The following MCTP1 variants were observed in gnomAD, a reference collection of about 807,000 sequenced individuals.
MCTP1 encodes the protein multiple C2 and transmembrane domain-containing protein 1.
In MCTP1, 69 loss-of-function variants were observed where a neutral mutation model predicts 120.6. The observed-to-expected ratio is 0.57, with a 90% CI of 0.47 to 0.70. The LOEUF (loss-of-function observed/expected upper bound fraction) is 0.70, where lower values mean the gene tolerates loss of function less well. Among genes scored for constraint, MCTP1 ranks in the 30% least tolerant of loss-of-function variants. The pLI is 0.00. For synonymous variants in MCTP1, 529 were observed against 493.1 expected, an observed-to-expected ratio of 1.07 and a Z score of -0.96; for missense variants, 1,203 against 1,248.8, an observed-to-expected ratio of 0.96 and a Z score of 0.55.
At chr5:95,153,681 A>T (rs1170579106) in intron 1 of MCTP1, among the ~76,000 whole-genome samples, 1 of 152,224 alleles carries the variant, frequency 6.6e-6, no homozygotes, top group Admixed American at 6.5e-5. Flanking sequence ...CAAAGCTTAA[A>T]AGCAGTGAAA....
At chr5:95,027,217 C>T (rs972170041) in intron 1 of MCTP1, among the ~76,000 whole-genome samples, 11 of 152,144 alleles carry the variant, frequency 7.2e-5, no homozygotes, top group African/African-American at 1.7e-4. Flanking sequence ...CACCCCACTA[C>T]GTATGTCAGC....
chr5:94,719,880 A>G (rs1190058131), intron 19 of MCTP1, among the ~76,000 whole-genome samples: 1 of 152,164 alleles, frequency 6.6e-6, no homozygotes, highest in Non-Finnish European at 1.5e-5. Flanking sequence ...CTGTAATCCC[A>G]GCACTTTGGG....
intron 7 of MCTP1, among the ~76,000 whole-genome samples, chr5:94,920,647 T>C (rs1035804017): frequency 4.6e-5 from 7 of 151,322 alleles, no homozygotes; most frequent in Admixed American, 2.0e-4. Flanking sequence ...GAGGCTGAGG[T>C]AGGAGAATGG....
chr5:95,166,387 T>G (rs188571078), intron 1 of MCTP1, among the ~76,000 whole-genome samples: 6 of 152,292 alleles, frequency 3.9e-5, no homozygotes, highest in Admixed American at 3.3e-4. Flanking sequence ...TGCAGGTAAG[T>G]GTATGTTTCA....
intron 17 of MCTP1, among the ~76,000 whole-genome samples, chr5:94,831,083 C>G (rs1359976091): frequency 6.6e-6 from 1 of 152,158 alleles, no homozygotes; most frequent in African/African-American, 2.4e-5. Flanking sequence ...AGACATGATG[C>G]TATAGACGTC....
chr5:94,886,133 A>G (rs1026053093), intron 12 of MCTP1, among the ~76,000 whole-genome samples: 2 of 152,236 alleles, frequency 1.3e-5, no homozygotes, highest in African/African-American at 4.8e-5. Context: ...GAACAAGGCT[A>G]TAGGCTTTTT....
chr5:94,797,811 G>A (rs1014723977), intron 18 of MCTP1, among the ~76,000 whole-genome samples: 4 of 151,990 alleles, frequency 2.6e-5, no homozygotes, highest in African/African-American at 9.7e-5. Context: ...GAAATATGGT[G>A]CATTGTTGGC....
chr5:94,874,860 G>A (rs1026328963), intron 12 of MCTP1, among the ~76,000 whole-genome samples: 1 of 152,118 alleles, frequency 6.6e-6, no homozygotes, highest in African/African-American at 2.4e-5. Flanking sequence ...TCCAAATAGA[G>A]TTAAATGTAA....
At chr5:94,938,463 C>T (rs1178982875) in intron 5 of MCTP1, among the ~76,000 whole-genome samples, 1 of 152,154 alleles carries the variant, frequency 6.6e-6, no homozygotes, top group Non-Finnish European at 1.5e-5. Context: ...AACACCTCCT[C>T]TCTTTCTTGT....
chr5:95,009,901 T>A (rs889898584), intron 2 of MCTP1, among the ~76,000 whole-genome samples: 1 of 152,174 alleles, frequency 6.6e-6, no homozygotes, highest in Non-Finnish European at 1.5e-5. Context: ...AATGGAAGAA[T>A]GATGGGCAGC....
At chr5:95,167,616 T>C (rs920206494) in intron 1 of MCTP1, among the ~76,000 whole-genome samples, 2 of 152,214 alleles carry the variant, frequency 1.3e-5, no homozygotes, top group African/African-American at 2.4e-5. Flanking sequence ...TGGTGTGAGA[T>C]GGTATCTCAT....
chr5:94,808,999 T>C (rs1292750215), intron 17 of MCTP1, among the ~76,000 whole-genome samples: 1 of 152,084 alleles, frequency 6.6e-6, no homozygotes, highest in Non-Finnish European at 1.5e-5. Flanking sequence ...AATGCTTTTT[T>C]GAAAAACATA....
At chr5:95,139,769 C>T (rs1305009379) in intron 1 of MCTP1, among the ~76,000 whole-genome samples, 2 of 152,158 alleles carry the variant, frequency 1.3e-5, no homozygotes, top group African/African-American at 4.8e-5. Context: ...AAACTGAGAG[C>T]TCCTTAAAAG....
At chr5:94,745,501 G>C (rs1219862415) in intron 19 of MCTP1, among the ~76,000 whole-genome samples, 1 of 152,166 alleles carries the variant, frequency 6.6e-6, no homozygotes, top group African/African-American at 2.4e-5. Flanking sequence ...AGATGAGCTG[G>C]TAGGGGTAGA....
chr5:95,258,819 C>T (rs1212268999), intron 1 of MCTP1, among the ~76,000 whole-genome samples: 1 of 152,164 alleles, frequency 6.6e-6, no homozygotes, highest in East Asian at 1.9e-4. Flanking sequence ...CTGAGGAAAT[C>T]TCTGTCCCAA....
chr5:94,773,201 C>A (rs1333230054), intron 19 of MCTP1, among the ~76,000 whole-genome samples: 2 of 152,134 alleles, frequency 1.3e-5, no homozygotes, highest in Non-Finnish European at 2.9e-5. Context: ...CCAAACATCC[C>A]TCACCCCAGA....
chr5:94,848,788 A>G (rs948174773), intron 17 of MCTP1, among the ~76,000 whole-genome samples: 4 of 151,944 alleles, frequency 2.6e-5, no homozygotes, highest in African/African-American at 9.7e-5. Flanking sequence ...TTTTACAATT[A>G]AATAATTTAT....
intron 1 of MCTP1, among the ~76,000 whole-genome samples, chr5:95,181,420 A>G (rs1582460551): frequency 1.3e-5 from 2 of 152,090 alleles, no homozygotes; most frequent in Non-Finnish European, 2.9e-5. Flanking sequence ...ACCTCCTTCA[A>G]TCTTAGCAGT....
At chr5:95,231,020 A>T (rs1754878186) in intron 1 of MCTP1, among the ~76,000 whole-genome samples, 1 of 152,210 alleles carries the variant, frequency 6.6e-6, no homozygotes, top group South Asian at 2.1e-4. Flanking sequence ...GGCTATTGAC[A>T]TTGCTGTTAG....
Sources: allele counts gnomAD v4.1 joint callset (sites outside exome capture counted in the v4.1 genomes callset), GRCh38; gene constraint gnomAD v4.1.1; transcripts MANE v1.5; gene names NCBI Gene and HGNC (gene_info 2026-07-23, HGNC 2026-07-21).